The following MYO18B variants were observed in gnomAD, a reference collection of about 807,000 sequenced individuals.
MYO18B encodes the protein unconventional myosin-XVIIIb.
Under a neutral mutation model 273.0 loss-of-function variants are expected in MYO18B, and 204 were observed. That is an observed-to-expected ratio of 0.75 (90% CI 0.67 to 0.84). The LOEUF is 0.84. Among genes scored for constraint, MYO18B ranks in the 40% least tolerant of loss-of-function variants. The probability of loss-of-function intolerance (pLI) is 0.00; values close to 1 mark genes in which losing one functional copy is unlikely to be tolerated. For synonymous variants in MYO18B, 1,330 were observed against 1,305.7 expected (o/e 1.02, Z -0.40); for missense variants, 3,212 against 3,287.6 (o/e 0.98, Z 0.56).
At chr22:25,764,187 G>T (rs538143928) in intron 3 of MYO18B, among the ~76,000 whole-genome samples, 2 of 152,306 alleles carry the variant, frequency 1.3e-5, no homozygotes, top group South Asian at 4.1e-4. Flanking sequence ...TCTGAATAGC[G>T]CTGCTGCATT....
At chr22:25,942,901 G>C (rs1383989182) in intron 34 of MYO18B, among the ~76,000 whole-genome samples, 1 of 151,866 alleles carries the variant, frequency 6.6e-6, no homozygotes, top group Non-Finnish European at 1.5e-5. Flanking sequence ...CTCTCTGCTT[G>C]CTCCAAGGAA....
At chr22:25,862,672 T>C (rs576301718) in intron 21 of MYO18B, among the ~76,000 whole-genome samples, 1 of 152,318 alleles carries the variant, frequency 6.6e-6, no homozygotes, top group South Asian at 2.1e-4. Flanking sequence ...GACTTCATTG[T>C]CTCTGAAGAT....
chr22:25,760,134 G>A (rs969721102), intron 1 of MYO18B, among the ~76,000 whole-genome samples: 1 of 152,082 alleles, frequency 6.6e-6, no homozygotes, highest in Non-Finnish European at 1.5e-5. Context: ...GTGGTTTCCT[G>A]GCTGGGCGTG....
In MYO18B at chr22:25,742,446, T is replaced by G. The variant is rs139719297; in HGVS notation, c.-110+153T>G. On this transcript the variant is annotated intron_variant, in intron 1 of 43. Transcript: ENST00000335473. ...GTGTTGAGAGCTTCCGAGGCCTGAT[T>G]CCTTTGCCTGTTGCCCGTGCTGCTC... 1.5e-3 allele frequency among the ~76,000 whole-genome samples: 228 copies of G among 152,236 alleles called. 5 individuals are homozygous for G. The East Asian group carries it at 0.041, about 27-fold the overall frequency.
intron 34 of MYO18B, among the ~76,000 whole-genome samples, chr22:25,931,985 C>T (rs974016366): frequency 2.1e-4 from 32 of 152,172 alleles, no homozygotes; most frequent in Non-Finnish European, 1.6e-4. Flanking sequence ...GATCCTCCAG[C>T]CTCAACCTCC....
intron 42 of MYO18B, among the ~76,000 whole-genome samples, chr22:26,017,009 T>C (rs1935385879): frequency 1.3e-5 from 2 of 152,010 alleles, no homozygotes; most frequent in Non-Finnish European, 2.9e-5. Context: ...CTCCTAACTC[T>C]TTTTTATTAG....
chr22:25,924,611 G>T (rs2092394688), intron 34 of MYO18B, among the ~76,000 whole-genome samples: 3 of 152,240 alleles, frequency 2.0e-5, no homozygotes, highest in Admixed American at 2.0e-4. Context: ...CCTGGGAGAA[G>T]GAGAAATAGG....
rs1412668272 is a variant in MYO18B at position 25,950,460 on chromosome 22, C to T, written c.5832+10C>T. On this transcript the variant is annotated intron_variant, in intron 37 of 43. Transcript: ENST00000335473. ...CAAGCTACAAGAACAAGTATGTGCT[C>T]AGAGCCATCCTATAGTTGTATTAGT... The T allele has an allele frequency of 6.3e-7, 1 of 1,591,864 alleles. No individual in the cohort carries two copies. Among genetic ancestry groups the T allele is most frequent in the Non-Finnish European group, 8.6e-7 (1 of 1,169,146 alleles).
the MYO18B span, among the ~76,000 whole-genome samples, chr22:26,059,173 C>T: frequency 6.6e-6 from 1 of 152,168 alleles, no homozygotes; most frequent in Non-Finnish European, 1.5e-5. Context: ...GTGGTGAATG[C>T]CACGTGGTCA....
intron 39 of MYO18B, among the ~76,000 whole-genome samples, chr22:25,963,209 C>G (rs913150895): frequency 2.8e-4 from 42 of 151,042 alleles, no homozygotes; most frequent in African/African-American, 9.7e-4. Flanking sequence ...CACACACACA[C>G]AATTGTTTTG....
intron 42 of MYO18B, among the ~76,000 whole-genome samples, chr22:26,018,105 A>G (rs1384986916): frequency 6.6e-6 from 1 of 151,808 alleles, no homozygotes; most frequent in African/African-American, 2.4e-5. Flanking sequence ...GTCAAGGCAA[A>G]TTCTGCTGAG....
chr22:25,766,698 G>T (rs745423188), intron 3 of MYO18B, among the ~76,000 whole-genome samples: 1 of 152,204 alleles, frequency 6.6e-6, no homozygotes, highest in Non-Finnish European at 1.5e-5. Flanking sequence ...GGTCAGGTAG[G>T]AGAAGGTGAC....
intron 31 of MYO18B, among the ~76,000 whole-genome samples, chr22:25,906,334 A>G (rs2092042838): frequency 1.3e-5 from 2 of 152,180 alleles, no homozygotes. Flanking sequence ...GTTTTGGATT[A>G]TCTTCCCACA....
the MYO18B span, among the ~76,000 whole-genome samples, chr22:26,046,601 C>T: frequency 1.3e-5 from 2 of 152,308 alleles, no homozygotes; most frequent in Non-Finnish European, 2.9e-5. Flanking sequence ...GCATTTCTTG[C>T]TTGGATGCTG....
At chr22:25,780,590 C>CAAAAAAAAAAAAAAA (rs59082074) in intron 9 of MYO18B, among the ~76,000 whole-genome samples, 9 of 65,204 alleles carry the variant, frequency 1.4e-4, no homozygotes, top group East Asian at 4.7e-4. Flanking sequence ...AACTCCATCT[C>CAAAAAAAAAAAAAAA]AAAAAAAAAA....
intron 11 of MYO18B, among the ~76,000 whole-genome samples, chr22:25,796,743 A>T (rs1404545954): frequency 6.6e-6 from 1 of 152,228 alleles, no homozygotes; most frequent in Non-Finnish European, 1.5e-5. Flanking sequence ...GGCTTGCTGT[A>T]GGATCTTGAT....
chr22:25,940,604 A>T (rs918046594), intron 34 of MYO18B, among the ~76,000 whole-genome samples: 6 of 152,148 alleles, frequency 3.9e-5, no homozygotes, highest in African/African-American at 1.4e-4. Context: ...GCTCCTAACC[A>T]CCACATGATA....
At chr22:25,881,837 G>A (rs180883284) in intron 25 of MYO18B, among the ~76,000 whole-genome samples, 21 of 152,274 alleles carry the variant, frequency 1.4e-4, no homozygotes, top group African/African-American at 4.3e-4. Context: ...ATTTAAAAGT[G>A]AAGAAAGCCA....
At chr22:26,038,062 G>A in the MYO18B span, among the ~76,000 whole-genome samples, 2 of 152,218 alleles carry the variant, frequency 1.3e-5, no homozygotes, top group Admixed American at 1.3e-4. Context: ...GACCAGAGAA[G>A]GAGCATCTAT....
Sources: allele counts gnomAD v4.1 joint callset (sites outside exome capture counted in the v4.1 genomes callset), GRCh38; gene constraint gnomAD v4.1.1; transcripts MANE v1.5; gene names NCBI Gene and HGNC (gene_info 2026-07-23, HGNC 2026-07-21).